The following CDYL2 variants were observed in gnomAD, a reference collection of about 807,000 sequenced individuals.
CDYL2 encodes chromodomain Y like 2.
Under a neutral mutation model 49.4 loss-of-function variants are expected in CDYL2, and 23 were observed. The ratio of observed to expected loss-of-function variants is 0.47; its 90% CI spans 0.34 to 0.66. The LOEUF is 0.66. Ranked by LOEUF, CDYL2 falls within the 30% of genes least tolerant of loss-of-function variation. The pLI, the probability that CDYL2 is intolerant of heterozygous loss-of-function variation, is 0.01. For missense variants in CDYL2, 678 were observed against 656.4 expected, an observed-to-expected ratio of 1.03 and a Z score of -0.36; for synonymous variants, 360 against 268.8, an observed-to-expected ratio of 1.34 and a Z score of -3.32.
At chr16:80,679,206 T>C (rs1001335523) in intron 2 of CDYL2, among the ~76,000 whole-genome samples, 3 of 151,980 alleles carry the variant, frequency 2.0e-5, no homozygotes, top group African/African-American at 4.8e-5. Context: ...GTCACATGTA[T>C]ACATATGTAA....
At chr16:80,730,620 G>C (rs1442234359) in intron 1 of CDYL2, among the ~76,000 whole-genome samples, 3 of 152,056 alleles carry the variant, frequency 2.0e-5, no homozygotes, top group African/African-American at 7.2e-5. Context: ...GCATCATCCT[G>C]ATACCAAAGC....
chr16:80,669,898 C>T (rs1200824125), intron 2 of CDYL2, among the ~76,000 whole-genome samples: 1 of 152,274 alleles, frequency 6.6e-6, no homozygotes, highest in Non-Finnish European at 1.5e-5. Flanking sequence ...AGAGCGGCCA[C>T]GACCCTGCCC....
intron 1 of CDYL2, among the ~76,000 whole-genome samples, chr16:80,699,396 G>C (rs1185341497): frequency 6.6e-6 from 1 of 152,198 alleles, no homozygotes; most frequent in East Asian, 1.9e-4. Context: ...ATTGTGTTAA[G>C]TGAAATAAGC....
chr16:80,741,512 G>A (rs1905734853), intron 1 of CDYL2, among the ~76,000 whole-genome samples: 1 of 152,050 alleles, frequency 6.6e-6, no homozygotes, highest in Non-Finnish European at 1.5e-5. Flanking sequence ...CAGCATAGGT[G>A]GTAAAGTTAT....
chr16:80,702,504 C>G (rs1002848129), intron 1 of CDYL2, among the ~76,000 whole-genome samples: 1 of 152,182 alleles, frequency 6.6e-6, no homozygotes, highest in Non-Finnish European at 1.5e-5. Flanking sequence ...TAATTCAGCA[C>G]TCTGGGAGAC....
Position 80,796,783 on chromosome 16 carries a change from T to C in CDYL2, c.24+7367A>G, listed in dbSNP as rs187756902. 5.1e-3 allele frequency among the ~76,000 whole-genome samples: 778 copies of C among 152,170 alleles called. 12 individuals carry two copies. Among genetic ancestry groups the C allele is most frequent in the African/African-American group, 0.018 (727 of 41,512 alleles). On this transcript the variant is annotated intron_variant, in intron 1 of 6. Coordinates refer to ENST00000570137, the MANE Select transcript of CDYL2 (RefSeq NM_152342.4). ...ATCATGCCCAAGACTCTTAGAAGAG[T>C]TGCCCATACAAGATGTCTCTAAATC...
chr16:80,627,612 A>C (rs1283908412), intron 3 of CDYL2: 1 of 152,220 alleles, frequency 6.6e-6, no homozygotes, highest in East Asian at 1.9e-4. Context: ...GAAAGACCCC[A>C]AATTTAATAA....
intron 1 of CDYL2, among the ~76,000 whole-genome samples, chr16:80,689,841 C>T (rs1447107563): frequency 6.6e-6 from 1 of 152,094 alleles, no homozygotes; most frequent in Non-Finnish European, 1.5e-5. Context: ...GCACTCTGGG[C>T]CAGGCACGGT....
chr16:80,608,149 G>T lies in CDYL2; in HGVS notation c.1305C>A (p.Thr435=). The T allele has an allele frequency of 6.2e-7, 1 of 1,605,696 alleles. No homozygotes were observed. The change falls in exon 6 of 7, where the codon ACC becomes ACA. Residue 435 remains threonine (T), a synonymous_variant. Coordinates refer to ENST00000570137, the MANE Select transcript of CDYL2 (RefSeq NM_152342.4). ...RGLVSQVFWP[T]TFSQEVMLRV... ...GCAGCATGACCTCCTGGCTGAACGT[G>T]GTGGGCCAGAAGACCTGCGACACCA...
chr16:80,611,224 T>G (rs1159052540), intron 5 of CDYL2, among the ~76,000 whole-genome samples: 3 of 152,174 alleles, frequency 2.0e-5, no homozygotes, highest in Admixed American at 2.0e-4. Flanking sequence ...TGTTCACCCC[T>G]GCACTCCTGG....
chr16:80,736,822 C>T (rs1291293334), intron 1 of CDYL2, among the ~76,000 whole-genome samples: 2 of 152,154 alleles, frequency 1.3e-5, no homozygotes, highest in African/African-American at 2.4e-5. Context: ...CAATTATGTA[C>T]GAACCACTTG....
At chr16:80,675,481 T>C (rs1260373923) in intron 2 of CDYL2, among the ~76,000 whole-genome samples, 6 of 152,182 alleles carry the variant, frequency 3.9e-5, no homozygotes, top group East Asian at 3.8e-4. Flanking sequence ...TTAGCTACTA[T>C]TGCTACCATC....
At chr16:80,758,536 C>A (rs1363548730) in intron 1 of CDYL2, among the ~76,000 whole-genome samples, 3 of 146,362 alleles carry the variant, frequency 2.0e-5, no homozygotes, top group Non-Finnish European at 1.5e-5. Flanking sequence ...AAGTTTGCTG[C>A]AGCACTTTTT....
intron 1 of CDYL2, among the ~76,000 whole-genome samples, chr16:80,709,364 A>G (rs2142509755): frequency 6.7e-6 from 1 of 149,010 alleles, no homozygotes; most frequent in Non-Finnish European, 1.5e-5. Flanking sequence ...CCTAGGCAAC[A>G]TAGCGAGACT....
In CDYL2 at chr16:80,601,008, T is replaced by C. The variant is rs1906058350; in HGVS notation, c.*3380A>G. 1 of 152,206 alleles carries C rather than the reference T, an allele frequency of 6.6e-6. No individual in the cohort carries two copies. The highest frequency in any genetic ancestry group is 2.4e-5 in the African/African-American group (1 of 41,460). 9.4% of individuals were successfully genotyped at this position (152,206 alleles called of 1,614,324 possible). A position where few individuals can be genotyped will look rare whatever the true frequency, so the allele number is the denominator to read the frequency against. On this transcript the variant is annotated 3_prime_UTR_variant, in exon 7 of 7. Coordinates refer to ENST00000570137, the MANE Select transcript of CDYL2 (RefSeq NM_152342.4). ...TAGTTTAATCTATACCAAACAAGAA[T>C]GATATTTTAAATCAATTCTCTACTA...
At chr16:80,757,626 T>C (rs1364762749) in intron 1 of CDYL2, among the ~76,000 whole-genome samples, 1 of 151,586 alleles carries the variant, frequency 6.6e-6, no homozygotes, top group Non-Finnish European at 1.5e-5. Flanking sequence ...ATTTGCCATT[T>C]TGATAAATAT....
intron 2 of CDYL2, among the ~76,000 whole-genome samples, chr16:80,666,928 T>C (rs1298973271): frequency 6.6e-6 from 1 of 152,162 alleles, no homozygotes; most frequent in Non-Finnish European, 1.5e-5. Context: ...TGAACAAAAA[T>C]GGAGACCATC....
At chr16:80,722,941 T>C (rs1044958162) in intron 1 of CDYL2, among the ~76,000 whole-genome samples, 5 of 152,206 alleles carry the variant, frequency 3.3e-5, no homozygotes, top group African/African-American at 9.6e-5. Context: ...ACTCGGGAGT[T>C]GGCCCTTAGA....
chr16:80,775,587 A>G (rs1211880997), intron 1 of CDYL2, among the ~76,000 whole-genome samples: 3 of 151,932 alleles, frequency 2.0e-5, no homozygotes, highest in Non-Finnish European at 4.4e-5. Context: ...ACTTAAAGAA[A>G]AAAGAAATAG....
Sources: gnomAD v4.1 joint callset for allele counts (sites outside exome capture counted in the v4.1 genomes callset) on GRCh38, gnomAD v4.1.1 for gene constraint, MANE v1.5 for transcripts, NCBI Gene and HGNC (gene_info 2026-07-23, HGNC 2026-07-21) for gene names.